Variants in CLOCK observed in about 807,000 individuals in gnomAD.
The protein encoded by CLOCK is circadian locomoter output cycles protein kaput.
In CLOCK, 43 loss-of-function variants were observed where a neutral mutation model predicts 118.4. The observed-to-expected ratio is 0.36, with a 90% CI of 0.28 to 0.47. CLOCK has a LOEUF of 0.47. CLOCK is among the 20% of genes least tolerant of loss of function. The probability of loss-of-function intolerance (pLI) is 1.00; values close to 1 mark genes in which losing one functional copy is unlikely to be tolerated. For missense variants in CLOCK, 846 were observed against 999.9 expected (o/e 0.85, Z 2.08); for synonymous variants, 326 against 339.2 (o/e 0.96, Z 0.43).
At chr4:55,515,463 C>T (rs1420958986) in intron 1 of CLOCK, among the ~76,000 whole-genome samples, 1 of 152,198 alleles carries the variant, frequency 6.6e-6, no homozygotes, top group African/African-American at 2.4e-5. Flanking sequence ...CAGCCTCCGC[C>T]TCCCGGGTTC....
At chr4:55,546,648 C>T (rs1731658975) in intron 1 of CLOCK, 134 bp downstream of exon 1, 1 of 119,812 alleles carries the variant, frequency 8.3e-6, no homozygotes, top group South Asian at 3.4e-4. Context: ...CAAAAATTCG[C>T]CGCTCCTGTG....
At chr4:55,516,014 T>C (rs1231084069) in intron 1 of CLOCK, among the ~76,000 whole-genome samples, 1 of 152,236 alleles carries the variant, frequency 6.6e-6, no homozygotes, top group Non-Finnish European at 1.5e-5. Context: ...ATTTGGGGAT[T>C]TTCCAGCTGT....
chr4:55,526,329 C>A (rs1730184758), intron 1 of CLOCK, among the ~76,000 whole-genome samples: 1 of 152,140 alleles, frequency 6.6e-6, no homozygotes, highest in African/African-American at 2.4e-5. Context: ...AAAACCCCAT[C>A]AGGAGAAAAA....
At chr4:55,438,200 T>C in intron 22 of CLOCK, 82 bp downstream of exon 22, 3 of 1,508,152 alleles carry the variant, frequency 2.0e-6, no homozygotes, top group Non-Finnish European at 2.8e-6. Flanking sequence ...TTCACATCAC[T>C]CACAAATCTG....
chr4:55,449,268 G>C (rs1577697355), intron 17 of CLOCK, 128 bp downstream of exon 17: 1 of 807,652 alleles, frequency 1.2e-6, no homozygotes, highest in Non-Finnish European at 2.1e-6. Context: ...TTAAGTAAGT[G>C]TCACATATCA....
chr4:55,543,812 T>C (rs1315661951), intron 1 of CLOCK, among the ~76,000 whole-genome samples: 1 of 152,062 alleles, frequency 6.6e-6, no homozygotes, highest in African/African-American at 2.4e-5. Context: ...ATTCCATTTT[T>C]AAAAAAGATT....
intron 2 of CLOCK, among the ~76,000 whole-genome samples, chr4:55,502,564 G>T (rs1011939762): frequency 6.6e-6 from 1 of 152,144 alleles, no homozygotes; most frequent in Non-Finnish European, 1.5e-5. Context: ...TGCAATAGTT[G>T]TAACAGTCAA....
chr4:55,481,314 C>T lies in CLOCK; in HGVS notation c.47+1425G>A, dbSNP rs17085816. Among the ~76,000 whole-genome samples, 1,109 of 152,188 alleles carry T rather than the reference C, an allele frequency of 7.3e-3. 14 individuals carry two copies. Among genetic ancestry groups the T allele is most frequent in the African/African-American group, 0.025 (1,033 of 41,502 alleles). ...TATATGTATATGAATTTTCCGAGAA[C>T]AGAGTTCATAACTTCCATGACATTC... On this transcript the variant is annotated intron_variant, in intron 4 of 22. Coordinates refer to ENST00000513440, the MANE Select transcript of CLOCK (RefSeq NM_004898.4).
At chr4:55,439,602 G>A (rs1723180859) in intron 21 of CLOCK, among the ~76,000 whole-genome samples, 1 of 152,158 alleles carries the variant, frequency 6.6e-6, no homozygotes, top group African/African-American at 2.4e-5. Context: ...CCAAAAAGTG[G>A]AAGTAACCCA....
At chr4:55,435,848 A>T (rs769211169) in intron 22 of CLOCK, among the ~76,000 whole-genome samples, 2 of 152,252 alleles carry the variant, frequency 1.3e-5, no homozygotes, top group Non-Finnish European at 2.9e-5. Flanking sequence ...AAAGCAATCT[A>T]TATCTTGAGC....
chr4:55,527,044 G>A (rs78738821), intron 1 of CLOCK, among the ~76,000 whole-genome samples: 2 of 148,604 alleles, frequency 1.3e-5, no homozygotes, highest in South Asian at 4.2e-4. Context: ...CCAGTTACAT[G>A]AATACAAGAA....
At chr4:55,483,745 T>C (rs907247156) in intron 3 of CLOCK, among the ~76,000 whole-genome samples, 3 of 152,166 alleles carry the variant, frequency 2.0e-5, no homozygotes, top group African/African-American at 7.2e-5. Flanking sequence ...AAAGTTATAA[T>C]TACTAGACCA....
At chr4:55,536,644 G>A (rs1203885765) in intron 1 of CLOCK, among the ~76,000 whole-genome samples, 1 of 152,126 alleles carries the variant, frequency 6.6e-6, no homozygotes, top group African/African-American at 2.4e-5. Flanking sequence ...ACACTTTGGA[G>A]AACCGTAAGC....
chr4:55,481,309 G>A (rs553404721), intron 4 of CLOCK, among the ~76,000 whole-genome samples: 6 of 151,986 alleles, frequency 3.9e-5, no homozygotes, highest in East Asian at 3.9e-4. Flanking sequence ...TGAATTTTCC[G>A]AGAACAGAGT....
chr4:55,468,722 A>C (rs1725905437), intron 8 of CLOCK, among the ~76,000 whole-genome samples: 1 of 152,256 alleles, frequency 6.6e-6, no homozygotes, highest in Admixed American at 6.5e-5. Flanking sequence ...TAACATTTTC[A>C]ACAGGCTGAT....
At chr4:55,543,133 G>A (rs1049322033) in intron 1 of CLOCK, among the ~76,000 whole-genome samples, 1 of 152,084 alleles carries the variant, frequency 6.6e-6, no homozygotes, top group East Asian at 1.9e-4. Context: ...GCCCAGGCTG[G>A]TCCTGAAATC....
At chr4:55,444,558 T>C in intron 19 of CLOCK, 75 bp downstream of exon 19, 1 of 1,572,486 alleles carries the variant, frequency 6.4e-7, no homozygotes, top group Non-Finnish European at 8.7e-7. Flanking sequence ...TCACTTTTAA[T>C]TAAGAAAAGT....
chr4:55,513,792 ATTGT>A (rs1729313321), intron 1 of CLOCK, among the ~76,000 whole-genome samples: 1 of 151,792 alleles, frequency 6.6e-6, no homozygotes, highest in Non-Finnish European at 1.5e-5. Context: ...TTATTTAGTT[ATTGT>A]TTATCAGAGT....
intron 10 of CLOCK, 24 bp downstream of exon 10, chr4:55,459,124 T>A: frequency 6.7e-7 from 1 of 1,487,314 alleles, no homozygotes; most frequent in Non-Finnish European, 9.4e-7. Flanking sequence ...TAAAACACAT[T>A]GTGAGAGAAG....
Sources: allele counts gnomAD v4.1 joint callset (sites outside exome capture counted in the v4.1 genomes callset), GRCh38; gene constraint gnomAD v4.1.1; transcripts MANE v1.5; gene names NCBI Gene and HGNC (gene_info 2026-07-23, HGNC 2026-07-21).